Variants in CFAP47 observed in about 807,000 individuals in gnomAD.
CFAP47 encodes cilia and flagella associated protein 47, also known as cilia- and flagella-associated protein 47.
A neutral mutation model predicts 148.1 loss-of-function variants in CFAP47; 29 were observed. The ratio of observed to expected loss-of-function variants is 0.20; its 90% CI spans 0.15 to 0.27. The LOEUF (loss-of-function observed/expected upper bound fraction) is 0.27, where lower values mean the gene tolerates loss of function less well. CFAP47 is among the 10% of genes least tolerant of loss of function. The pLI, the probability that CFAP47 is intolerant of heterozygous loss-of-function variation, is 1.00. For synonymous variants in CFAP47, 664 were observed against 577.3 expected (o/e 1.15, Z -2.15); for missense variants, 1,872 against 1,697.5 (o/e 1.10, Z -1.81).
At chrX:36,161,720 A>T (rs1433949004) in intron 39 of CFAP47, among the ~76,000 whole-genome samples, 1 of 111,981 alleles carries the variant, frequency 8.9e-6, no homozygotes, top group African/African-American at 3.2e-5. Flanking sequence ...GGAAGTTATA[A>T]TATGCTTATT....
intron 33 of CFAP47, among the ~76,000 whole-genome samples, chrX:36,106,381 C>G (rs2146798549): frequency 8.9e-6 from 1 of 111,858 alleles, no homozygotes; most frequent in African/African-American, 3.2e-5. Flanking sequence ...CACATACTGT[C>G]TTAGCTTTGT....
chrX:36,174,389 C>A (rs1464029504), intron 39 of CFAP47, among the ~76,000 whole-genome samples: 2 of 108,352 alleles, frequency 1.8e-5, no homozygotes, highest in Non-Finnish European at 3.9e-5. Flanking sequence ...CAGTTTCTTC[C>A]TAGTCTCGAT....
chrX:35,924,357 A>G (rs1389371174), intron 1 of CFAP47, among the ~76,000 whole-genome samples: 2 of 106,520 alleles, frequency 1.9e-5, no homozygotes. Context: ...GCATATGTGT[A>G]TATATGTATA....
intron 56 of CFAP47, among the ~76,000 whole-genome samples, chrX:36,316,466 T>G (rs1282685274): frequency 1.8e-5 from 2 of 112,345 alleles, no homozygotes; most frequent in Non-Finnish European, 3.8e-5. Flanking sequence ...AATGAAATCT[T>G]TTTAAGAATC....
chrX:36,069,086 A>G (rs1366358176), intron 27 of CFAP47, among the ~76,000 whole-genome samples: 1 of 111,303 alleles, frequency 9.0e-6, no homozygotes, highest in Non-Finnish European at 1.9e-5. Context: ...CACAAACTAG[A>G]TGATGGCAAT....
intron 48 of CFAP47, among the ~76,000 whole-genome samples, chrX:36,249,790 C>A (rs1290771387): frequency 9.0e-6 from 1 of 110,809 alleles, no homozygotes; most frequent in Non-Finnish European, 1.9e-5. Flanking sequence ...AATTCAACAA[C>A]ATTTAAAAAT....
At chrX:36,273,402 A>C (rs950483823) in intron 49 of CFAP47, among the ~76,000 whole-genome samples, 1 of 111,529 alleles carries the variant, frequency 9.0e-6, no homozygotes, top group Admixed American at 9.6e-5. Flanking sequence ...TGCTATTCCT[A>C]TTAGATTTTT....
chrX:36,103,008 C>G (rs1019327228), intron 32 of CFAP47, among the ~76,000 whole-genome samples: 1 of 111,111 alleles, frequency 9.0e-6, no homozygotes, highest in Non-Finnish European at 1.9e-5. Context: ...TTTGGATGCT[C>G]ATAGGTATTT....
intron 48 of CFAP47, among the ~76,000 whole-genome samples, chrX:36,237,666 A>G (rs1401122110): frequency 8.9e-6 from 1 of 111,874 alleles, no homozygotes; most frequent in Non-Finnish European, 1.9e-5. Flanking sequence ...ATACTCTGTC[A>G]TCCTCACTTG....
chrX:35,932,424 T>A (rs2146621425), intron 2 of CFAP47, among the ~76,000 whole-genome samples: 1 of 106,510 alleles, frequency 9.4e-6, no homozygotes, highest in South Asian at 4.3e-4. Context: ...CACGCACTTT[T>A]AATTTTTTGT....
chrX:36,001,273 C>T lies in CFAP47; in HGVS notation c.3323-340C>T, dbSNP rs909957722. Among the ~76,000 whole-genome samples the T allele has an allele frequency of 4.5e-5, 5 of 111,637 alleles. No individual in the cohort carries two copies. In the South Asian group the frequency reaches 1.5e-3, roughly 34 times the overall value. On this transcript the variant is annotated intron_variant, in intron 20 of 63. Coordinates refer to ENST00000378653, the MANE Select transcript of CFAP47 (RefSeq NM_001304548.2). ...CTTTGAGACATCAAAGGAGATCTGA[C>T]TCTTCCCTGATCAATTTTCACTGGA...
chrX:36,350,181 G>C (rs1016835545), intron 59 of CFAP47, 49 bp downstream of exon 59: 2 of 811,670 alleles, frequency 2.5e-6, no homozygotes, highest in South Asian at 2.4e-5. Flanking sequence ...AGAGACCTTA[G>C]ATATTCTCTA....
chrX:35,968,965 A>G (rs944864922), intron 10 of CFAP47, among the ~76,000 whole-genome samples: 1 of 109,645 alleles, frequency 9.1e-6, no homozygotes, highest in African/African-American at 3.3e-5. Context: ...ATACACATCT[A>G]TATAGAGATA....
chrX:35,947,365 T>C (rs777476708), intron 3 of CFAP47, among the ~76,000 whole-genome samples: 2 of 105,888 alleles, frequency 1.9e-5, no homozygotes, highest in East Asian at 6.8e-4. Flanking sequence ...GCTGGGTGGC[T>C]CTGCTCCACA....
intron 26 of CFAP47, among the ~76,000 whole-genome samples, chrX:36,058,558 A>G (rs1175964146): frequency 8.9e-6 from 1 of 111,904 alleles, no homozygotes; most frequent in African/African-American, 3.2e-5. Context: ...ACAATACAAC[A>G]CAATATGTGA....
intron 51 of CFAP47, 28 bp from the exon 52 acceptor site, chrX:36,298,949 T>C: frequency 9.8e-7 from 1 of 1,022,345 alleles, no homozygotes; most frequent in Non-Finnish European, 1.3e-6. Flanking sequence ...CACTAAAAGT[T>C]GATTACATAT....
chrX:36,100,000 T>G (rs1453650524), intron 32 of CFAP47, 121 bp downstream of exon 32: 1 of 411,800 alleles, frequency 2.4e-6, no homozygotes, highest in Non-Finnish European at 4.1e-6. Flanking sequence ...TGAGAGATTT[T>G]TTTTTATTGC....
chrX:36,066,542 G>A (rs1937643006), intron 27 of CFAP47, among the ~76,000 whole-genome samples: 1 of 111,661 alleles, frequency 9.0e-6, no homozygotes, highest in Non-Finnish European at 1.9e-5. Context: ...TGACAAGCAA[G>A]TCACAAGCAT....
chrX:36,109,489 T>G (rs1375274934), intron 33 of CFAP47, among the ~76,000 whole-genome samples: 1 of 111,283 alleles, frequency 9.0e-6, no homozygotes, highest in Non-Finnish European at 1.9e-5. Flanking sequence ...TATTTTTTAT[T>G]TTTTTGAGAT....
Sources: gnomAD v4.1 joint callset for allele counts (sites outside exome capture counted in the v4.1 genomes callset) on GRCh38, gnomAD v4.1.1 for gene constraint, MANE v1.5 for transcripts, NCBI Gene and HGNC (gene_info 2026-07-23, HGNC 2026-07-21) for gene names.